WARS1: variants seen among roughly 807,000 people sequenced by gnomAD.
WARS1 encodes the protein tryptophanyl-tRNA synthetase 1, also known as tryptophan--tRNA ligase, cytoplasmic.
A neutral mutation model predicts 47.8 loss-of-function variants in WARS1; 17 were observed. The observed-to-expected ratio is 0.36, with a 90% CI of 0.24 to 0.53. The LOEUF (loss-of-function observed/expected upper bound fraction) is 0.53, where lower values mean the gene tolerates loss of function less well. Ranked by LOEUF, WARS1 falls within the 20% of genes least tolerant of loss-of-function variation. The probability of loss-of-function intolerance (pLI) is 0.91; values close to 1 mark genes in which losing one functional copy is unlikely to be tolerated. For synonymous variants in WARS1, 208 were observed against 228.1 expected, an observed-to-expected ratio of 0.91 and a Z score of 0.79; for missense variants, 434 against 608.0, an observed-to-expected ratio of 0.71 and a Z score of 3.01.
At chr14:100,350,480 C>A (rs1403359307) in intron 6 of WARS1, among the ~76,000 whole-genome samples, 1 of 149,242 alleles carries the variant, frequency 6.7e-6, no homozygotes, top group Non-Finnish European at 1.5e-5. Flanking sequence ...GCCAAAGAGA[C>A]AGCACGAGGA....
intron 1 of WARS1, among the ~76,000 whole-genome samples, chr14:100,371,959 A>G (rs1896378088): frequency 6.6e-6 from 1 of 152,124 alleles, no homozygotes; most frequent in Non-Finnish European, 1.5e-5. Context: ...CCTTCACAAA[A>G]GAAGTGAAAA....
intron 7 of WARS1, among the ~76,000 whole-genome samples, chr14:100,345,536 G>A (rs1241821748): frequency 1.3e-5 from 2 of 151,794 alleles, no homozygotes; most frequent in South Asian, 2.1e-4. Context: ...GAAGGCCGCA[G>A]GGTCCTCTGC....
chr14:100,349,386 A>G (rs1445613923), intron 6 of WARS1, among the ~76,000 whole-genome samples: 1 of 152,086 alleles, frequency 6.6e-6, no homozygotes, highest in Non-Finnish European at 1.5e-5. Flanking sequence ...CTGTACCCCC[A>G]CCATGAGTCT....
rs1893582368 is a variant in WARS1, at chr14:100,334,618, G to A, written c.*257C>T. On this transcript the variant is annotated 3_prime_UTR_variant, in exon 11 of 11. Transcript: ENST00000392882. ...CCACTGTGGGGCTGCTTTGGGGAGA[G>A]ACTCACAGCTGGACTTCTCTATCCG... 2 of 358,838 alleles carry A rather than the reference G, an allele frequency of 5.6e-6. No individual in the cohort carries two copies. Among genetic ancestry groups the A allele is most frequent in the Admixed American group, 4.4e-5 (1 of 22,642 alleles). The allele number at this position is 358,838 out of a possible 1,614,324, so 22.2% of individuals were successfully genotyped here.
chr14:100,353,859 C>A lies in WARS1; in HGVS notation c.553G>T (p.Asp185Tyr). The A allele has an allele frequency of 6.2e-7, 1 of 1,613,598 alleles. No individual in the cohort carries two copies. The highest frequency in any genetic ancestry group is 8.5e-7 in the Non-Finnish European group (1 of 1,179,880). ...IPFIFTKWLQ[D>Y]VFNVPLVIQM... ...ATGACCAAGGGCACGTTAAATACATCCTGGAGCCACCTAAAGAAACACAGG... is the reference window on the plus strand; with the variant it reads ...ATGACCAAGGGCACGTTAAATACATACTGGAGCCACCTAAAGAAACACAGG... Residue 185 changes from aspartate (D) to tyrosine (Y), a missense_variant, in exon 6 of 11, where the codon GAT becomes TAT. By Grantham distance (160) the Asp-to-Tyr change is radical. Coordinates refer to ENST00000392882, the MANE Select transcript of WARS1 (RefSeq NM_004184.4).
intron 4 of WARS1, among the ~76,000 whole-genome samples, chr14:100,357,756 C>T (rs189021071): frequency 2.8e-4 from 42 of 152,124 alleles, no homozygotes; most frequent in African/African-American, 8.9e-4. Flanking sequence ...CCACCGTGCC[C>T]GGCCATCAGT....
rs775785412 is a variant in WARS1, at chr14:100,357,464, AT to A, written c.423-2899del. 6.4e-3 allele frequency among the ~76,000 whole-genome samples: 925 copies of A among 145,064 alleles called. 3 individuals carry two copies. Among genetic ancestry groups the A allele is most frequent in the African/African-American group, 0.013 (519 of 39,848 alleles). ...AGATTAATACACAAACATCAATTGTATTTTTTTTTTTTTTGAGAGGGAGTTT... is the reference window on the plus strand; with the variant it reads ...AGATTAATACACAAACATCAATTGTATTTTTTTTTTTTTGAGAGGGAGTTT... On this transcript the variant is annotated intron_variant, in intron 4 of 10. Transcript: ENST00000392882.
At chr14:100,376,250 C>A, upstream of WARS1, 1 of 524,016 alleles carries the variant, frequency 1.9e-6, no homozygotes, top group Non-Finnish European at 2.8e-6. Context: ...GCCTTACTCC[C>A]CTCGCTTACC....
intron 2 of WARS1, 140 bp downstream of exon 2, chr14:100,368,947 G>C: frequency 2.1e-6 from 1 of 476,042 alleles, no homozygotes; most frequent in Non-Finnish European, 3.3e-6. Context: ...GGAAACAAGA[G>C]TGAAATTCCC....
At position 100,369,152 on chromosome 14, in the gene WARS1, G is replaced by A. The variant is rs768929432; in HGVS notation, c.34C>T (p.Leu12=). 16 of 1,556,250 alleles carry A rather than the reference G, an allele frequency of 1.0e-5. No individual in the cohort carries two copies. Among genetic ancestry groups the A allele is most frequent in the East Asian group, 2.4e-5 (1 of 42,396 alleles). Residue 12 remains leucine (L), a synonymous_variant, in exon 2 of 11, where the codon CTG becomes TTG. Transcript: ENST00000392882. ...PNSEPASLLE[L]FNSIATQGEL... ...CCTTGTGTGGCGATGCTGTTGAACA[G>A]CTCCAGCAGAGATGCGGGCTCACTG...
chr14:100,348,882 G>A (rs1030141763), intron 6 of WARS1, among the ~76,000 whole-genome samples: 1 of 152,218 alleles, frequency 6.6e-6, no homozygotes, highest in African/African-American at 2.4e-5. Flanking sequence ...CTTGCTGCAA[G>A]CTGCTGCCAC....
Position 100,353,788 on chromosome 14 carries a change from C to T in WARS1, c.624G>A (p.Leu208=), listed in dbSNP as rs976323057. The change falls in exon 6 of 11, where the codon CTG becomes CTA. Residue 208 remains leucine (L), a synonymous_variant. Coordinates refer to ENST00000392882, the MANE Select transcript of WARS1 (RefSeq NM_004184.4). ...DEKYLWKDLT[L]DQAYSYAVEN... ...CCACAGCATAGCTATAGGCCTGGTC[C>T]AGGGTCAGGTCCTTCCACAGATACT... The T allele has an allele frequency of 1.9e-6, 3 of 1,614,040 alleles. No individual in the cohort carries two copies. The African/African-American group carries it at 4.0e-5, about 22-fold the overall frequency.
In WARS1 at chr14:100,354,527, C is replaced by T. The variant is rs765236267; in HGVS notation, c.462G>A (p.Lys154=). Residue 154 remains lysine (K), a synonymous_variant, in exon 5 of 11, where the codon AAG becomes AAA. Coordinates refer to ENST00000392882, the MANE Select transcript of WARS1 (RefSeq NM_004184.4). The stretch of plus-strand genomic sequence containing the variant: ...CCCGGCCCGTGTACAGATAAAATGG[C>T]TTCTTATTTTCATAGGCATCAAGAA... ...NQVLDAYENK[K]PFYLYTGRGP... 5.6e-6 allele frequency: 9 copies of T among 1,613,764 alleles called. 1 individual carries two copies. In the South Asian group the frequency reaches 8.8e-5, roughly 16 times the overall value.
At position 100,342,319 on chromosome 14, in the gene WARS1, C is replaced by T. The variant is rs781624181; in HGVS notation, c.1113+79G>A. The T allele has an allele frequency of 2.5e-6, 4 of 1,582,792 alleles. No individual in the cohort carries two copies. The South Asian group carries it at 3.4e-5, about 13-fold the overall frequency. On this transcript the variant is annotated intron_variant, in intron 9 of 10. Transcript: ENST00000392882. Reference sequence around the variant, plus strand: ...GGTGGCTGAGGCCCAAAGCACTGCGCAGTGGTGTGTGTGTGCGTGTGCCCC... The same window carrying T: ...GGTGGCTGAGGCCCAAAGCACTGCGTAGTGGTGTGTGTGTGCGTGTGCCCC...
At chr14:100,335,619 A>C (rs555103774) in intron 10 of WARS1, among the ~76,000 whole-genome samples, 1 of 151,112 alleles carries the variant, frequency 6.6e-6, no homozygotes, top group South Asian at 2.1e-4. Context: ...CTCGTGATCC[A>C]CTCCCCCCAC....
intron 1 of WARS1, among the ~76,000 whole-genome samples, chr14:100,372,829 T>A (rs1272289484): frequency 2.6e-5 from 4 of 152,168 alleles, no homozygotes; most frequent in Admixed American, 2.6e-4. Flanking sequence ...CAAGCCCCCT[T>A]GCTCATGTGC....
intron 7 of WARS1, among the ~76,000 whole-genome samples, chr14:100,344,228 G>A (rs1019755676): frequency 3.3e-5 from 5 of 152,056 alleles, no homozygotes; most frequent in African/African-American, 9.7e-5. Flanking sequence ...AATTGCAGGC[G>A]CGCGCCGCCA....
intron 1 of WARS1, 149 bp downstream of exon 1, chr14:100,375,134 G>GA (rs1195136179): frequency 1.3e-5 from 2 of 152,318 alleles, no homozygotes; most frequent in East Asian, 3.9e-4. Context: ...TGGGAGCAGT[G>GA]AATCACCTGA....
At chr14:100,352,385 T>C (rs1420941701) in intron 6 of WARS1, among the ~76,000 whole-genome samples, 1 of 152,180 alleles carries the variant, frequency 6.6e-6, no homozygotes, top group Non-Finnish European at 1.5e-5. Flanking sequence ...CCCAAAGTGC[T>C]GGGATTACAG....
Sources: gnomAD v4.1 joint callset for allele counts (sites outside exome capture counted in the v4.1 genomes callset) on GRCh38, gnomAD v4.1.1 for gene constraint, MANE v1.5 for transcripts, NCBI Gene and HGNC (gene_info 2026-07-23, HGNC 2026-07-21) for gene names.